THEMIS: variants seen among roughly 807,000 people sequenced by gnomAD.
THEMIS encodes protein THEMIS.
Under a neutral mutation model 52.6 loss-of-function variants are expected in THEMIS, and 37 were observed. The observed-to-expected ratio is 0.70, with a 90% CI of 0.54 to 0.93. THEMIS has a LOEUF of 0.93. THEMIS is among the 40% of genes least tolerant of loss of function. The pLI is 0.00. For synonymous variants in THEMIS, 292 were observed against 272.7 expected (o/e 1.07, Z -0.70); for missense variants, 808 against 763.1 (o/e 1.06, Z -0.69).
At chr6:127,894,637 A>C (rs1221695451) in intron 1 of THEMIS, among the ~76,000 whole-genome samples, 1 of 151,898 alleles carries the variant, frequency 6.6e-6, no homozygotes, top group Admixed American at 6.6e-5. Flanking sequence ...AAAATAAACG[A>C]GACTGAATCA....
At chr6:127,856,819 T>C (rs928636899) in intron 1 of THEMIS, among the ~76,000 whole-genome samples, 1 of 152,104 alleles carries the variant, frequency 6.6e-6, no homozygotes. Context: ...TTAAAAATAC[T>C]AATAAATCCA....
intron 4 of THEMIS, among the ~76,000 whole-genome samples, chr6:127,721,061 T>A (rs1309616047): frequency 6.6e-6 from 1 of 151,938 alleles, no homozygotes; most frequent in Non-Finnish European, 1.5e-5. Context: ...CTTGCACAAT[T>A]GTTTTTGCTC....
chr6:127,800,471 C>A (rs116222154), intron 4 of THEMIS, among the ~76,000 whole-genome samples: 2,681 of 152,272 alleles, frequency 0.018, 103 homozygotes, highest in African/African-American at 0.061. Context: ...TACTAGGCAT[C>A]TCAACTCAGA....
intron 4 of THEMIS, among the ~76,000 whole-genome samples, chr6:127,771,729 G>A (rs929874639): frequency 6.6e-6 from 1 of 152,118 alleles, no homozygotes; most frequent in Admixed American, 6.5e-5. Flanking sequence ...AGCATTGATT[G>A]TTTAAAACCA....
At position 127,813,515 on chromosome 6, in the gene THEMIS, G is replaced by C. The variant is rs1232300694; in HGVS notation, c.1126C>G (p.Pro376Ala). Residue 376 changes from proline to alanine, a missense_variant, in exon 4 of 6, where the codon CCT becomes GCT. Coordinates refer to ENST00000368248, the MANE Select transcript of THEMIS (RefSeq NM_001010923.3). ...HVVATKAFHS[P>A]HDKLSSVSVG... ...GATACGGATGACAGCTTGTCATGAG[G>C]GGAATGAAACGCTTTGGTGGCCACC... The C allele has an allele frequency of 1.2e-6, 2 of 1,613,710 alleles. No homozygotes were observed. Among genetic ancestry groups the C allele is most frequent in the Non-Finnish European group, 1.7e-6 (2 of 1,179,924 alleles).
At chr6:127,773,869 CTTATA>C (rs1258858195) in intron 4 of THEMIS, among the ~76,000 whole-genome samples, 1 of 152,120 alleles carries the variant, frequency 6.6e-6, no homozygotes, top group Non-Finnish European at 1.5e-5. Context: ...CAGTTAATGG[CTTATA>C]TTAGAGGCCC....
intron 5 of THEMIS, among the ~76,000 whole-genome samples, chr6:127,710,650 A>G (rs1773943919): frequency 6.6e-6 from 1 of 151,996 alleles, no homozygotes; most frequent in Non-Finnish European, 1.5e-5. Context: ...CAGACTCTCA[A>G]ATAAAGCAAG....
At chr6:127,700,044 G>A in the THEMIS span, among the ~76,000 whole-genome samples, 1,503 of 151,632 alleles carry the variant, frequency 9.9e-3, 91 homozygotes, top group East Asian at 0.16. Flanking sequence ...AAATATTTGC[G>A]AATCACATTT....
intron 4 of THEMIS, among the ~76,000 whole-genome samples, chr6:127,727,536 T>C (rs1241248354): frequency 3.9e-5 from 6 of 152,154 alleles, no homozygotes; most frequent in Admixed American, 2.6e-4. Context: ...AACTCATTTA[T>C]TAAAAATTAC....
Position 127,812,881 on chromosome 6 carries a change from A to G in THEMIS, c.1758+2T>C. 6.3e-7 allele frequency: 1 copy of G among 1,586,894 alleles called. No individual in the cohort carries two copies. The highest frequency in any genetic ancestry group is 8.6e-7 in the Non-Finnish European group (1 of 1,166,252). On this transcript the variant is annotated splice_donor_variant, in intron 4 of 5. Coordinates refer to ENST00000368248, the MANE Select transcript of THEMIS (RefSeq NM_001010923.3). LOFTEE classifies it high-confidence loss of function. ...GAAAACATTGCAAAACCATAGCCTT[A>G]CCTTGGGAGACTTGGGCAGGTCTAC...
At chr6:127,840,935 G>C (rs553067442) in intron 2 of THEMIS, among the ~76,000 whole-genome samples, 1 of 152,130 alleles carries the variant, frequency 6.6e-6, no homozygotes, top group East Asian at 1.9e-4. Context: ...TGGTTACCAC[G>C]GATTAGAGGA....
chr6:127,774,350 C>T (rs940751327), intron 4 of THEMIS, among the ~76,000 whole-genome samples: 1 of 152,168 alleles, frequency 6.6e-6, no homozygotes. Flanking sequence ...GGACTAAGGG[C>T]GCCAGCCACC....
intron 3 of THEMIS, among the ~76,000 whole-genome samples, chr6:127,816,545 A>G (rs1241731405): frequency 6.6e-6 from 1 of 152,182 alleles, no homozygotes. Context: ...CATAAATCTC[A>G]GAGACATCCT....
chr6:127,916,161 GA>G (rs1781522367), intron 1 of THEMIS, among the ~76,000 whole-genome samples: 1 of 151,342 alleles, frequency 6.6e-6, no homozygotes, highest in South Asian at 2.1e-4. Flanking sequence ...GAAGGAGTTA[GA>G]AAAAGTTTAA....
intron 4 of THEMIS, among the ~76,000 whole-genome samples, chr6:127,727,165 C>A (rs887624950): frequency 6.6e-6 from 1 of 152,108 alleles, no homozygotes; most frequent in African/African-American, 2.4e-5. Context: ...AGAGATAAAT[C>A]TTCTTCCTTA....
At chr6:127,742,328 AC>A (rs1197139563) in intron 4 of THEMIS, among the ~76,000 whole-genome samples, 93 of 146,110 alleles carry the variant, frequency 6.4e-4, no homozygotes, top group African/African-American at 1.9e-3. Flanking sequence ...AAAAAAAAAA[AC>A]AAACAAAAAA....
intron 4 of THEMIS, among the ~76,000 whole-genome samples, chr6:127,768,614 AT>A (rs1776274541): frequency 6.6e-6 from 1 of 152,212 alleles, no homozygotes; most frequent in Non-Finnish European, 1.5e-5. Flanking sequence ...ACCTTCAAAT[AT>A]TATTAATTAT....
intron 4 of THEMIS, among the ~76,000 whole-genome samples, chr6:127,729,980 G>C (rs1238900860): frequency 6.6e-6 from 1 of 152,100 alleles, no homozygotes; most frequent in East Asian, 1.9e-4. Flanking sequence ...ATTTTTAAAA[G>C]ATAAACTGGC....
intron 1 of THEMIS, among the ~76,000 whole-genome samples, chr6:127,881,909 G>T (rs1780495215): frequency 6.7e-6 from 1 of 149,434 alleles, no homozygotes; most frequent in African/African-American, 2.5e-5. Context: ...ACACTAAAAG[G>T]TTAACTTTTT....
Sources: gnomAD v4.1 joint callset for allele counts (sites outside exome capture counted in the v4.1 genomes callset) on GRCh38, gnomAD v4.1.1 for gene constraint, MANE v1.5 for transcripts, NCBI Gene and HGNC (gene_info 2026-07-23, HGNC 2026-07-21) for gene names.